TRHDE: variants seen among roughly 807,000 people sequenced by gnomAD.
TRHDE encodes the protein thyrotropin-releasing hormone-degrading ectoenzyme.
Under a neutral mutation model 125.7 loss-of-function variants are expected in TRHDE, and 72 were observed. That is an observed-to-expected ratio of 0.57 (90% CI 0.47 to 0.70). The LOEUF is 0.70. Among genes scored for constraint, TRHDE ranks in the 30% least tolerant of loss-of-function variants. The pLI is 0.00. For missense variants in TRHDE, 1,110 were observed against 1,327.1 expected, an observed-to-expected ratio of 0.84 and a Z score of 2.54; for synonymous variants, 509 against 509.1, an observed-to-expected ratio of 1.00 and a Z score of 0.00.
intron 3 of TRHDE, among the ~76,000 whole-genome samples, chr12:72,381,148 C>A (rs2135780288): frequency 6.6e-6 from 1 of 152,162 alleles, no homozygotes; most frequent in African/African-American, 2.4e-5. Flanking sequence ...AGAGGCTCAG[C>A]TGATACTGCT....
chr12:72,634,171 C>T (rs1340030095), intron 15 of TRHDE, among the ~76,000 whole-genome samples: 1 of 152,054 alleles, frequency 6.6e-6, no homozygotes, highest in East Asian at 1.9e-4. Context: ...GGGAAACTGA[C>T]ACATAGGCAC....
intron 6 of TRHDE, among the ~76,000 whole-genome samples, chr12:72,500,942 A>G (rs1192924916): frequency 6.7e-6 from 1 of 149,546 alleles, no homozygotes; most frequent in Non-Finnish European, 1.5e-5. Flanking sequence ...TTATACTGGA[A>G]TTGCAGGAAA....
intron 12 of TRHDE, among the ~76,000 whole-genome samples, chr12:72,606,259 TCAGAA>T (rs1485580940): frequency 6.6e-6 from 1 of 151,682 alleles, no homozygotes; most frequent in African/African-American, 2.4e-5. Context: ...TGGAAATAAC[TCAGAA>T]CAGAGTAATA....
At chr12:72,595,761 G>C (rs1871911709) in intron 12 of TRHDE, among the ~76,000 whole-genome samples, 1 of 152,032 alleles carries the variant, frequency 6.6e-6, no homozygotes, top group Admixed American at 6.6e-5. Flanking sequence ...ATTTGCATCA[G>C]AGTTTTATTT....
At position 72,473,162 on chromosome 12, in the gene TRHDE, C is replaced by G. The variant is rs905104876; in HGVS notation, c.1566C>G (p.Leu522=). ...TTGAATTTGTTGGTACAGACTACCT[C>G]TATCCTGGCTGGAACATGGTAAGTG... ...HYFEFVGTDY[L]YPGWNMEKQR... Residue 522 remains leucine (L), a synonymous_variant, in exon 5 of 19, where the codon CTC becomes CTG. Coordinates refer to ENST00000261180, the MANE Select transcript of TRHDE (RefSeq NM_013381.3). 3.7e-6 allele frequency: 6 copies of G among 1,613,630 alleles called. No homozygotes were observed. Among genetic ancestry groups the G allele is most frequent in the Admixed American group, 1.7e-5 (1 of 59,992 alleles).
chr12:72,193,961 CTGGTGGA>C (rs1489674614), intron 2 of TRHDE, among the ~76,000 whole-genome samples: 1 of 151,908 alleles, frequency 6.6e-6, no homozygotes, highest in African/African-American at 2.4e-5. Context: ...ATTGTGGAAA[CTGGTGGA>C]AGTATGAGGG....
intron 5 of TRHDE, among the ~76,000 whole-genome samples, chr12:72,490,135 C>A (rs556861699): frequency 6.6e-6 from 1 of 151,686 alleles, no homozygotes; most frequent in African/African-American, 2.4e-5. Context: ...ACATATACAA[C>A]TTAATAGTAG....
chr12:72,209,215 G>T (rs1252527149), intron 2 of TRHDE, among the ~76,000 whole-genome samples: 1 of 152,076 alleles, frequency 6.6e-6, no homozygotes. Flanking sequence ...GATCTATTTT[G>T]CCCTCGCTCA....
At chr12:72,444,538 A>G (rs1875180934) in intron 3 of TRHDE, among the ~76,000 whole-genome samples, 1 of 151,830 alleles carries the variant, frequency 6.6e-6, no homozygotes, top group Non-Finnish European at 1.5e-5. Context: ...ACATCCTGCT[A>G]AACTTTAGTT....
At position 72,124,673 on chromosome 12, in the gene TRHDE, C is replaced by T. The variant is rs192244271; in HGVS notation, n.279+18921C>T. On this transcript the variant is annotated intron_variant and non_coding_transcript_variant, in intron 2 of 4. Coordinates refer to the TRHDE transcript ENST00000548156. ...ATCATACTTTGCTTATTCAGAGCTA[C>T]GGTGGAACATTTAGATTACTTCTAA... 1.6e-3 allele frequency among the ~76,000 whole-genome samples: 236 copies of T among 152,240 alleles called. 1 individual carries two copies. Among genetic ancestry groups the T allele is most frequent in the African/African-American group, 5.0e-3 (209 of 41,542 alleles).
intron 2 of TRHDE, among the ~76,000 whole-genome samples, chr12:72,367,419 A>T (rs539377237): frequency 1.3e-5 from 2 of 152,158 alleles, no homozygotes; most frequent in South Asian, 4.1e-4. Flanking sequence ...CTCCCGGGCC[A>T]GTGCCTTCCC....
upstream of TRHDE, chr12:72,271,887 C>G: frequency 2.2e-6 from 1 of 456,362 alleles, no homozygotes; most frequent in Non-Finnish European, 4.4e-6. Context: ...CAGAGCAAGA[C>G]TGGAATGAGG....
chr12:72,441,398 C>G (rs976976692), intron 3 of TRHDE, among the ~76,000 whole-genome samples: 2 of 151,868 alleles, frequency 1.3e-5, no homozygotes, highest in Non-Finnish European at 2.9e-5. Context: ...CTTCCTACCT[C>G]CATGATGACT....
At chr12:72,290,412 T>C (rs1880042538) in intron 2 of TRHDE, among the ~76,000 whole-genome samples, 1 of 152,244 alleles carries the variant, frequency 6.6e-6, no homozygotes, top group Non-Finnish European at 1.5e-5. Flanking sequence ...GTTTGAAAAC[T>C]GATAGTATGA....
intron 12 of TRHDE, among the ~76,000 whole-genome samples, chr12:72,596,291 T>G (rs975541329): frequency 1.3e-5 from 2 of 152,152 alleles, no homozygotes; most frequent in African/African-American, 4.8e-5. Context: ...GCAAAGAACC[T>G]ATTAAAATCA....
intron 1 of TRHDE, among the ~76,000 whole-genome samples, chr12:72,092,790 T>G (rs1874822912): frequency 6.6e-6 from 1 of 152,206 alleles, no homozygotes; most frequent in South Asian, 2.1e-4. Context: ...TGACTATTGC[T>G]GGAAGAAAGG....
intron 10 of TRHDE, 95 bp from the exon 11 acceptor site, chr12:72,575,160 A>G: frequency 8.7e-7 from 1 of 1,152,894 alleles, no homozygotes; most frequent in Non-Finnish European, 1.2e-6. Flanking sequence ...CATTCACTTA[A>G]TTATTGGTAT....
In TRHDE at chr12:72,563,350, G is replaced by A. The variant is rs139947654; in HGVS notation, c.2042+310G>A. On this transcript the variant is annotated intron_variant, in intron 9 of 18. Coordinates refer to ENST00000261180, the MANE Select transcript of TRHDE (RefSeq NM_013381.3). ...ATGTTTCTTGAATTAAATGCAAGAAGTTAAAATGTGTTGCTGTGAATTAAA... is the reference window on the plus strand; with the variant it reads ...ATGTTTCTTGAATTAAATGCAAGAAATTAAAATGTGTTGCTGTGAATTAAA... Among the ~76,000 whole-genome samples, 46 of 152,260 alleles carry A rather than the reference G, an allele frequency of 3.0e-4. 1 individual carries two copies. In the East Asian group the frequency reaches 7.9e-3, roughly 26 times the overall value.
chr12:72,522,411 A>G (rs1005534370), intron 6 of TRHDE, among the ~76,000 whole-genome samples: 1 of 152,238 alleles, frequency 6.6e-6, no homozygotes, highest in Non-Finnish European at 1.5e-5. Context: ...GTGAGCAACA[A>G]CTAATACTTA....
Sources: allele counts gnomAD v4.1 joint callset (sites outside exome capture counted in the v4.1 genomes callset), GRCh38; gene constraint gnomAD v4.1.1; transcripts MANE v1.5; gene names NCBI Gene and HGNC (gene_info 2026-07-23, HGNC 2026-07-21).